Variants in CAPN7 observed in about 807,000 individuals in gnomAD.
The protein encoded by CAPN7 is calpain 7.
Under a neutral mutation model 115.2 loss-of-function variants are expected in CAPN7, and 72 were observed. The ratio of observed to expected loss-of-function variants is 0.63; its 90% CI spans 0.52 to 0.76. The LOEUF (loss-of-function observed/expected upper bound fraction) is 0.76. CAPN7 is among the 30% of genes least tolerant of loss of function. The probability of loss-of-function intolerance (pLI) is 0.00; values close to 1 mark genes in which losing one functional copy is unlikely to be tolerated. For synonymous variants in CAPN7, 344 were observed against 322.3 expected (o/e 1.07, Z -0.72); for missense variants, 905 against 971.5 (o/e 0.93, Z 0.91).
Position 15,247,473 on chromosome 3 carries a change from C to T in CAPN7, c.2204+16C>T, listed in dbSNP as rs529467666. On this transcript the variant is annotated intron_variant, in intron 19 of 20. Transcript: ENST00000253693. ...GAGGACCAAGGTTTGTGATGAGTAA[C>T]TTTCTTAAATTAATGATGTTCTATT... The T allele has an allele frequency of 7.3e-5, 115 of 1,572,276 alleles. No individual in the cohort carries two copies. In the South Asian group the frequency reaches 1.2e-3, roughly 17 times the overall value.
chr3:15,230,208 G>C (rs1392050796), intron 8 of CAPN7, among the ~76,000 whole-genome samples: 1 of 152,122 alleles, frequency 6.6e-6, no homozygotes, highest in African/African-American at 2.4e-5. Context: ...GCACTTTTCA[G>C]AGTATTTTGA....
intron 1 of CAPN7, among the ~76,000 whole-genome samples, chr3:15,209,615 G>C (rs1254176325): frequency 6.6e-6 from 1 of 152,188 alleles, no homozygotes; most frequent in Non-Finnish European, 1.5e-5. Flanking sequence ...TGTTTAGAGA[G>C]TTTTGGTGCA....
chr3:15,207,768 A>G (rs1247921019), intron 1 of CAPN7, among the ~76,000 whole-genome samples: 1 of 152,128 alleles, frequency 6.6e-6, no homozygotes, highest in Non-Finnish European at 1.5e-5. Flanking sequence ...CTTCAGGAGC[A>G]ATAACAGGAA....
intron 4 of CAPN7, among the ~76,000 whole-genome samples, chr3:15,219,681 T>C (rs754081463): frequency 7.9e-5 from 12 of 152,188 alleles, no homozygotes; most frequent in Non-Finnish European, 1.5e-4. Context: ...GTACATGAAA[T>C]TTTTTTGCAT....
chr3:15,235,471 A>C (rs1171105905), intron 12 of CAPN7, among the ~76,000 whole-genome samples: 1 of 151,700 alleles, frequency 6.6e-6, no homozygotes, highest in Non-Finnish European at 1.5e-5. Flanking sequence ...GATCAATCAC[A>C]GTGTTAAGCT....
At position 15,232,634 on chromosome 3, in the gene CAPN7, T is replaced by C; in HGVS notation, c.1148T>C (p.Met383Thr). The part of the protein sequence containing the change: ...SLIEKAYMKV[M>T]GGYDFPGSNS... ...ATAGAAAAAGCATACATGAAAGTCATGGGAGGATATGATTTTCCAGGATCC... is the reference window on the plus strand; with the variant it reads ...ATAGAAAAAGCATACATGAAAGTCACGGGAGGATATGATTTTCCAGGATCC... The change falls in exon 10 of 21, where the codon ATG becomes ACG. Residue 383 changes from methionine to threonine, a missense_variant. Physicochemically the swap from Met to Thr is moderately conservative, Grantham distance 81 (BLOSUM62 -1). Coordinates refer to ENST00000253693, the MANE Select transcript of CAPN7 (RefSeq NM_014296.3). 4 of 1,610,360 alleles carry C rather than the reference T, an allele frequency of 2.5e-6. No homozygotes were observed. The highest frequency in any genetic ancestry group is 3.4e-6 in the Non-Finnish European group (4 of 1,178,714).
chr3:15,230,634 T>G (rs1694628579), intron 9 of CAPN7, 99 bp downstream of exon 9: 3 of 724,160 alleles, frequency 4.1e-6, no homozygotes, highest in South Asian at 3.7e-5. Flanking sequence ...TGTTTGAACA[T>G]TTTAAAAGTT....
intron 19 of CAPN7, among the ~76,000 whole-genome samples, chr3:15,250,699 C>T (rs1295287639): frequency 1.3e-5 from 2 of 151,948 alleles, no homozygotes; most frequent in African/African-American, 4.8e-5. Flanking sequence ...TCCCGGGGAG[C>T]CCATGGTAAA....
chr3:15,211,012 C>T (rs2044908113), intron 1 of CAPN7: 1 of 903,892 alleles, frequency 1.1e-6, no homozygotes, highest in African/African-American at 1.8e-5. Context: ...ATGGAAACAC[C>T]ACCTTCTAGC....
chr3:15,250,801 A>T (rs952936011), intron 19 of CAPN7, 130 bp from the exon 20 acceptor site: 98 of 634,374 alleles, frequency 1.5e-4, no homozygotes, highest in Non-Finnish European at 1.5e-4. Context: ...TCAAAAATAG[A>T]GTGTGTATGT....
rs1465054485 is a variant in CAPN7 at position 15,239,119 on chromosome 3, C to T, written c.1408-1354C>T. On this transcript the variant is annotated intron_variant, in intron 12 of 20. Coordinates refer to ENST00000253693, the MANE Select transcript of CAPN7 (RefSeq NM_014296.3). ...TGACTTATGTGTGGTGAGACACATA[C>T]AGTGTAGAAGATACTGATGAAAGAA... 2.0e-5 allele frequency among the ~76,000 whole-genome samples: 3 copies of T among 152,186 alleles called. No individual in the cohort carries two copies. The South Asian group carries it at 6.2e-4, about 32-fold the overall frequency.
intron 6 of CAPN7, 21 bp from the exon 7 acceptor site, chr3:15,227,818 T>C (rs1694418159): frequency 7.2e-7 from 1 of 1,392,050 alleles, no homozygotes; most frequent in South Asian, 1.6e-5. Context: ...TTTTTTATTT[T>C]AATTTTTATT....
chr3:15,245,424 A>C (rs981498119), intron 16 of CAPN7, 102 bp from the exon 17 acceptor site: 1 of 986,462 alleles, frequency 1.0e-6, no homozygotes. Context: ...GGAGAGAATC[A>C]GTTAAGGAGA....
At chr3:15,226,407 GA>G (rs1694319715) in intron 6 of CAPN7, among the ~76,000 whole-genome samples, 1 of 152,150 alleles carries the variant, frequency 6.6e-6, no homozygotes, top group Non-Finnish European at 1.5e-5. Flanking sequence ...AGTTCTGAGG[GA>G]AAAAACCTTG....
rs181734119 is a variant in CAPN7 at position 15,225,179 on chromosome 3, A to G, written c.725+1618A>G. 2.6e-3 allele frequency among the ~76,000 whole-genome samples: 400 copies of G among 152,370 alleles called. 5 individuals are homozygous for G. The highest frequency in any genetic ancestry group is 9.1e-3 in the African/African-American group (380 of 41,588). ...ATAAAGGTTACCTGCTAGAAAAATC[A>G]TCATTTTGTTAGTTACTAAGTTATA... On this transcript the variant is annotated intron_variant, in intron 6 of 20. Coordinates refer to ENST00000253693, the MANE Select transcript of CAPN7 (RefSeq NM_014296.3).
chr3:15,233,973 G>A lies in CAPN7; in HGVS notation c.1286G>A (p.Arg429Lys). 1.3e-6 allele frequency: 2 copies of A among 1,497,434 alleles called. No individual in the cohort carries two copies. The highest frequency in any genetic ancestry group is 9.3e-7 in the Non-Finnish European group (1 of 1,079,752). 92.8% of individuals were successfully genotyped at this position (1,497,434 alleles called of 1,614,324 possible). ...KDNSFRMLYQ[R>K]FHKGDVLITA... ...AATTCTTTCAGAATGCTTTATCAAA[G>A]GTAAACATTTTTCTTTGTTTTATGT... The change falls in exon 11 of 21, where the codon AGA becomes AAA. Residue 429 changes from arginine (R) to lysine (K), a missense_variant and splice_region_variant. Arg to Lys is a conservative substitution (Grantham distance 26). Coordinates refer to ENST00000253693, the MANE Select transcript of CAPN7 (RefSeq NM_014296.3).
intron 9 of CAPN7, among the ~76,000 whole-genome samples, chr3:15,231,818 G>A (rs750647713): frequency 3.3e-5 from 5 of 152,056 alleles, no homozygotes; most frequent in Admixed American, 6.6e-5. Flanking sequence ...GTGAGCCACC[G>A]CGCCCAGCCT....
chr3:15,207,997 C>T (rs2044726472), intron 1 of CAPN7, among the ~76,000 whole-genome samples: 1 of 152,118 alleles, frequency 6.6e-6, no homozygotes, highest in Admixed American at 6.5e-5. Context: ...ACTGGCACCC[C>T]AGTAGGTTTG....
At chr3:15,216,633 G>T (rs149136911) in intron 2 of CAPN7, among the ~76,000 whole-genome samples, 2 of 152,134 alleles carry the variant, frequency 1.3e-5, no homozygotes, top group East Asian at 3.9e-4. Flanking sequence ...GAAAAAGCAG[G>T]AACTTTATCA....
Sources: allele counts gnomAD v4.1 joint callset (sites outside exome capture counted in the v4.1 genomes callset), GRCh38; gene constraint gnomAD v4.1.1; transcripts MANE v1.5; gene names NCBI Gene and HGNC (gene_info 2026-07-23, HGNC 2026-07-21).